UNC79: variants seen among roughly 807,000 people sequenced by gnomAD.
UNC79 encodes the protein protein unc-79 homolog.
Under a neutral mutation model 283.1 loss-of-function variants are expected in UNC79, and 37 were observed. The observed-to-expected ratio is 0.13, with a 90% confidence interval of 0.10 to 0.17. The LOEUF is 0.17. Among genes scored for constraint, UNC79 ranks in the 10% least tolerant of loss-of-function variants. UNC79 has a pLI of 1.00. For synonymous variants in UNC79, 1,107 were observed against 1,200.2 expected (o/e 0.92, Z 1.61); for missense variants, 2,272 against 3,211.1 (o/e 0.71, Z 7.07).
chr14:93,372,675 A>G (rs1409693430), intron 1 of UNC79, among the ~76,000 whole-genome samples: 1 of 152,156 alleles, frequency 6.6e-6, no homozygotes, highest in Non-Finnish European at 1.5e-5. Flanking sequence ...TGAGACAAAA[A>G]CCAGTAGAAT....
intron 1 of UNC79, among the ~76,000 whole-genome samples, chr14:93,409,814 A>G (rs1368378732): frequency 5.3e-5 from 8 of 152,358 alleles, no homozygotes; most frequent in East Asian, 1.9e-4. Context: ...CATACATTCA[A>G]TGCAATTCCA....
At chr14:93,640,259 G>A (rs191724875) in intron 32 of UNC79, among the ~76,000 whole-genome samples, 10 of 152,272 alleles carry the variant, frequency 6.6e-5, no homozygotes, top group Admixed American at 5.2e-4. Flanking sequence ...CCGTGGTATC[G>A]ATTGGCTGAC....
At chr14:93,523,873 GA>G (rs1038909447) in intron 7 of UNC79, 104 bp from the exon 8 acceptor site, 19 of 1,187,002 alleles carry the variant, frequency 1.6e-5, no homozygotes, top group Admixed American at 4.3e-5. Flanking sequence ...AAAGCTTTCT[GA>G]TGATGGTTCT....
At chr14:93,707,853 T>A (rs566719186), downstream of UNC79, 7 of 152,252 alleles carry the variant, frequency 4.6e-5, no homozygotes, top group Non-Finnish European at 1.0e-4. Flanking sequence ...TATATTGACA[T>A]GCTATTAAAT....
At chr14:93,347,995 A>C in intron 1 of UNC79, 1 of 1,340,152 alleles carries the variant, frequency 7.5e-7, no homozygotes, top group Non-Finnish European at 1.1e-6. Flanking sequence ...CTAGGAAGCC[A>C]TACTCAGCAG....
chr14:93,575,407 A>ATT (rs2063416867), intron 17 of UNC79, among the ~76,000 whole-genome samples: 1 of 151,888 alleles, frequency 6.6e-6, no homozygotes, highest in Non-Finnish European at 1.5e-5. Flanking sequence ...TTTATTTTTA[A>ATT]TTTCTTTGAA....
intron 20 of UNC79, among the ~76,000 whole-genome samples, chr14:93,585,883 CTT>C (rs1233052037): frequency 5.8e-5 from 8 of 138,200 alleles, no homozygotes; most frequent in African/African-American, 1.1e-4. Flanking sequence ...CTCTCTCTCT[CTT>C]TTTTTTTTTT....
intron 6 of UNC79, among the ~76,000 whole-genome samples, 166 bp from the exon 7 acceptor site, chr14:93,496,991 T>C (rs1249807669): frequency 1.3e-5 from 2 of 152,238 alleles, no homozygotes; most frequent in African/African-American, 4.8e-5. Context: ...GAAAATATAA[T>C]GTTTTGACGT....
chr14:93,338,088 G>A (rs1391915666), intron 1 of UNC79, among the ~76,000 whole-genome samples: 1 of 152,142 alleles, frequency 6.6e-6, no homozygotes, highest in African/African-American at 2.4e-5. Context: ...GATCCAGGCT[G>A]GTAGCACAAG....
chr14:93,632,945 A>T (rs572031266), intron 31 of UNC79, among the ~76,000 whole-genome samples: 1 of 152,086 alleles, frequency 6.6e-6, no homozygotes, highest in Non-Finnish European at 1.5e-5. Context: ...TCTTGGAGGT[A>T]TCATGCCTGG....
intron 31 of UNC79, among the ~76,000 whole-genome samples, chr14:93,634,293 A>G (rs2068313183): frequency 1.3e-5 from 2 of 152,244 alleles, no homozygotes; most frequent in African/African-American, 4.8e-5. Flanking sequence ...ATAAATATTT[A>G]CAGGCGACAA....
intron 2 of UNC79, among the ~76,000 whole-genome samples, chr14:93,471,786 T>C (rs76913085): frequency 0.015 from 2,298 of 152,050 alleles, 60 homozygotes; most frequent in African/African-American, 0.053. Flanking sequence ...CTAAAGGCAG[T>C]GAGAGAGAAG....
chr14:93,593,796 G>T, exon 23 of UNC79: 1 of 1,613,834 alleles, frequency 6.2e-7, no homozygotes, highest in East Asian at 2.2e-5. Flanking sequence ...ATCATAAATG[G>T]CAATTTCAAC....
At chr14:93,673,387 C>G in exon 41 of UNC79, 1 of 1,613,214 alleles carries the variant, frequency 6.2e-7, no homozygotes, top group Non-Finnish European at 8.5e-7. Flanking sequence ...TAGTGTTGTT[C>G]TAGAACTTCT....
At chr14:93,425,321 T>A (rs1225877407) in intron 1 of UNC79, among the ~76,000 whole-genome samples, 1 of 152,218 alleles carries the variant, frequency 6.6e-6, no homozygotes, top group East Asian at 1.9e-4. Flanking sequence ...CCCCCATGAC[T>A]GAATTACCTC....
intron 1 of UNC79, among the ~76,000 whole-genome samples, chr14:93,394,805 G>C (rs1420022667): frequency 6.6e-6 from 1 of 152,186 alleles, no homozygotes; most frequent in East Asian, 1.9e-4. Flanking sequence ...TTGAACTCTT[G>C]AGCTCAAGCA....
chr14:93,486,879 A>G (rs1595605189), intron 4 of UNC79, among the ~76,000 whole-genome samples: 1 of 152,192 alleles, frequency 6.6e-6, no homozygotes, highest in African/African-American at 2.4e-5. Flanking sequence ...ATGATTATAC[A>G]GCGGTAAGAT....
intron 1 of UNC79, among the ~76,000 whole-genome samples, chr14:93,437,091 A>T (rs545088342): frequency 3.1e-4 from 47 of 152,276 alleles, no homozygotes; most frequent in African/African-American, 1.1e-3. Context: ...GCACAAATGC[A>T]TGTGTATATA....
At chr14:93,514,315 A>G (rs2059961103) in intron 7 of UNC79, among the ~76,000 whole-genome samples, 1 of 152,246 alleles carries the variant, frequency 6.6e-6, no homozygotes, top group African/African-American at 2.4e-5. Flanking sequence ...GAACAACCCT[A>G]TGTCTACAAA....
Sources: gnomAD v4.1 joint callset for allele counts (sites outside exome capture counted in the v4.1 genomes callset) on GRCh38, gnomAD v4.1.1 for gene constraint, MANE v1.5 for transcripts, NCBI Gene and HGNC (gene_info 2026-07-23, HGNC 2026-07-21) for gene names.